HOXC4: variants seen among roughly 807,000 people sequenced by gnomAD.
The protein encoded by HOXC4 is homeobox protein Hox-C4.
A neutral mutation model predicts 25.5 loss-of-function variants in HOXC4; 15 were observed. The ratio of observed to expected loss-of-function variants is 0.59; its 90% CI spans 0.39 to 0.91. The LOEUF (loss-of-function observed/expected upper bound fraction) is 0.91, where lower values mean the gene tolerates loss of function less well. Ranked by LOEUF, HOXC4 falls within the 40% of genes least tolerant of loss-of-function variation. The pLI, the probability that HOXC4 is intolerant of heterozygous loss-of-function variation, is 0.00. For missense variants in HOXC4, 342 were observed against 352.4 expected (o/e 0.97, Z 0.24); for synonymous variants, 165 against 148.0 (o/e 1.11, Z -0.83).
At position 54,053,873 on chromosome 12, in the gene HOXC4, G is replaced by T; in HGVS notation, c.-50G>T. On this transcript the variant is annotated 5_prime_UTR_variant, in exon 1 of 2. It introduces an in-frame stop codon into an upstream open reading frame of the 5' UTR. Transcript: ENST00000430889. ...CGCTAGCTAGTAGGAGGGCTTTATG[G>T]AGCAGAAAAACGACAAAGCGAGAAA... 1 of 1,471,730 alleles carries T rather than the reference G, an allele frequency of 6.8e-7. No individual in the cohort carries two copies. Among genetic ancestry groups the T allele is most frequent in the South Asian group, 1.2e-5 (1 of 81,130 alleles). 91.2% of individuals were successfully genotyped at this position (1,471,730 alleles called of 1,614,324 possible).
upstream of HOXC4, among the ~76,000 whole-genome samples, chr12:54,050,790 C>T (rs1026805812): frequency 2.0e-5 from 3 of 152,168 alleles, no homozygotes; most frequent in Non-Finnish European, 4.4e-5. Context: ...ATTTCACTTT[C>T]TGGATGTGCA....
At chr12:54,037,508 T>C (rs373730581) in intron 1 of HOXC4, among the ~76,000 whole-genome samples, 7 of 151,986 alleles carry the variant, frequency 4.6e-5, no homozygotes, top group African/African-American at 1.4e-4. Flanking sequence ...CTCTGAGCAA[T>C]TAGAGGAAAG....
intron 1 of HOXC4, chr12:54,020,136 C>T (rs1940367023): frequency 6.6e-6 from 1 of 152,306 alleles, no homozygotes; most frequent in South Asian, 2.1e-4. Context: ...TCCTTGCAGG[C>T]CACATTCCCT....
intron 1 of HOXC4, among the ~76,000 whole-genome samples, chr12:54,022,940 CT>C (rs753467658): frequency 6.6e-4 from 101 of 152,320 alleles, no homozygotes; most frequent in Non-Finnish European, 8.2e-4. Context: ...CCTATTGCGG[CT>C]TCTTCCTCAT....
chr12:54,037,532 AAG>A (rs757003572), intron 1 of HOXC4, among the ~76,000 whole-genome samples: 2 of 152,180 alleles, frequency 1.3e-5, no homozygotes, highest in Non-Finnish European at 2.9e-5. Context: ...AGGAAAAAAT[AAG>A]AGGACAAAAA....
chr12:54,052,617 C>T (rs1351670983), upstream of HOXC4, among the ~76,000 whole-genome samples: 3 of 151,798 alleles, frequency 2.0e-5, no homozygotes, highest in Non-Finnish European at 2.9e-5. Flanking sequence ...TGGCCCCCTC[C>T]CTCCTCTACG....
At chr12:54,031,147 C>T (rs1226993168) in intron 1 of HOXC4, among the ~76,000 whole-genome samples, 1 of 152,262 alleles carries the variant, frequency 6.6e-6, no homozygotes. Flanking sequence ...CTGTGGCAGC[C>T]GGTGTCCTCG....
chr12:54,041,287 A>C (rs1230609410), intron 1 of HOXC4, among the ~76,000 whole-genome samples: 1 of 152,264 alleles, frequency 6.6e-6, no homozygotes, highest in African/African-American at 2.4e-5. Context: ...GCCCTGAGCC[A>C]GTCCACTGCT....
At chr12:54,028,703 T>C (rs1940844031) in intron 1 of HOXC4, 2 of 1,614,172 alleles carry the variant, frequency 1.2e-6, no homozygotes, top group Non-Finnish European at 1.7e-6. Flanking sequence ...CAGGAGAATG[T>C]CGTGTTCAGT....
chr12:54,033,233 G>A, intron 1 of HOXC4: 5 of 1,614,172 alleles, frequency 3.1e-6, no homozygotes, highest in Non-Finnish European at 4.2e-6. Flanking sequence ...AGGCATCCAG[G>A]TACTGCTACG....
intron 1 of HOXC4, among the ~76,000 whole-genome samples, chr12:54,032,612 T>C (rs1195082167): frequency 6.6e-6 from 1 of 152,190 alleles, no homozygotes; most frequent in Non-Finnish European, 1.5e-5. Context: ...CCTCGTCTTT[T>C]CCCAATTTTA....
intron 1 of HOXC4, among the ~76,000 whole-genome samples, chr12:54,026,993 C>T (rs1242759960): frequency 6.6e-6 from 1 of 151,430 alleles, no homozygotes; most frequent in Non-Finnish European, 1.5e-5. Context: ...GCTTTCTCTG[C>T]TCCCCGCACA....
chr12:54,034,119 G>C, intron 1 of HOXC4: 5 of 747,956 alleles, frequency 6.7e-6, no homozygotes, highest in Non-Finnish European at 1.2e-5. Flanking sequence ...CTCTCCCGGG[G>C]CTGGGCTGGG....
At chr12:54,052,093 C>T (rs1376886793), upstream of HOXC4, among the ~76,000 whole-genome samples, 1 of 152,022 alleles carries the variant, frequency 6.6e-6, no homozygotes, top group Non-Finnish European at 1.5e-5. Context: ...GAGGAGGTAG[C>T]GTAGGGCGGC....
intron 1 of HOXC4, among the ~76,000 whole-genome samples, chr12:54,024,344 T>G (rs1940588995): frequency 1.3e-5 from 2 of 151,902 alleles, no homozygotes; most frequent in Admixed American, 1.3e-4. Flanking sequence ...AGTGCTTGGG[T>G]CCCCGAGCAG....
upstream of HOXC4, among the ~76,000 whole-genome samples, chr12:54,049,373 G>A (rs183508876): frequency 2.6e-4 from 39 of 152,164 alleles, no homozygotes; most frequent in Admixed American, 6.5e-4. Context: ...ATTAAAATGC[G>A]GCCACTTTTT....
At chr12:54,033,010 A>G in intron 1 of HOXC4, 1 of 782,332 alleles carries the variant, frequency 1.3e-6, no homozygotes. Flanking sequence ...AGAAAGAGAT[A>G]TCTCCACCTA....
chr12:54,048,249 CATGGTA>C (rs1565752130), intron 1 of HOXC4, among the ~76,000 whole-genome samples: 1 of 152,044 alleles, frequency 6.6e-6, no homozygotes, highest in African/African-American at 2.4e-5. Context: ...TGAGGTTAAT[CATGGTA>C]ATGATCTGGT....
chr12:54,047,661 C>G (rs981954708), intron 1 of HOXC4: 4 of 152,458 alleles, frequency 2.6e-5, no homozygotes, highest in African/African-American at 4.8e-5. Flanking sequence ...AGGTGCAGGC[C>G]GAGGCTGGCG....
Sources: gnomAD v4.1 joint callset for allele counts (sites outside exome capture counted in the v4.1 genomes callset) on GRCh38, gnomAD v4.1.1 for gene constraint, MANE v1.5 for transcripts, NCBI Gene and HGNC (gene_info 2026-07-23, HGNC 2026-07-21) for gene names.